PLEKHG4: variants seen among roughly 807,000 people sequenced by gnomAD.
PLEKHG4 encodes puratrophin-1.
A neutral mutation model predicts 136.9 loss-of-function variants in PLEKHG4; 85 were observed. The observed-to-expected ratio is 0.62, with a 90% CI of 0.52 to 0.74. The LOEUF (loss-of-function observed/expected upper bound fraction) is 0.74, where lower values mean the gene tolerates loss of function less well. Ranked by LOEUF, PLEKHG4 falls within the 30% of genes least tolerant of loss-of-function variation. The pLI, the probability that PLEKHG4 is intolerant of heterozygous loss-of-function variation, is 0.00. For missense variants in PLEKHG4, 1,317 were observed against 1,527.8 expected, an observed-to-expected ratio of 0.86 and a Z score of 2.30; for synonymous variants, 577 against 646.9, an observed-to-expected ratio of 0.89 and a Z score of 1.64.
At position 67,282,196 on chromosome 16, in the gene PLEKHG4, C is replaced by T; in HGVS notation, c.1105-5C>T. On this transcript the variant is annotated splice_polypyrimidine_tract_variant and splice_region_variant and intron_variant, in intron 8 of 21. Transcript: ENST00000379344. ...ACCTCCACAGCTTATTGCCCTCAATCACAGGAGGTCGGTCAGCTGCTACAG... is the reference window on the plus strand; with the variant it reads ...ACCTCCACAGCTTATTGCCCTCAATTACAGGAGGTCGGTCAGCTGCTACAG... The T allele has an allele frequency of 1.2e-6, 2 of 1,613,596 alleles. No homozygotes were observed. Among genetic ancestry groups the T allele is most frequent in the Middle Eastern group, 1.6e-4 (1 of 6,062 alleles).
rs773154724 is a variant in PLEKHG4 at position 67,280,009 on chromosome 16, G to A, written c.-36G>A. The A allele has an allele frequency of 2.5e-6, 4 of 1,604,288 alleles. No homozygotes were observed. The highest frequency in any genetic ancestry group is 3.4e-6 in the Non-Finnish European group (4 of 1,175,010). ...TCACACTGAGACCCAGCCCTCTCCC[G>A]CTGGCCCCGAGCAGGCCCACCTTTA... is the stretch of plus-strand genomic sequence containing the variant. On this transcript the variant is annotated 5_prime_UTR_variant, in exon 2 of 22. Coordinates refer to ENST00000379344, the MANE Select transcript of PLEKHG4 (RefSeq NM_001129729.3). The surrounding 1 kb of genome is among the most constrained non-coding windows in gnomAD (Gnocchi z 4.4).
chr16:67,281,704 A>G lies in PLEKHG4; in HGVS notation c.892-20A>G. Reference sequence around the variant, plus strand: ...GTGCCTCCCCCCAGGCCTGGGTCACAACACCTTCTTCTCCTGTAGCTGGAG... The same window carrying G: ...GTGCCTCCCCCCAGGCCTGGGTCACGACACCTTCTTCTCCTGTAGCTGGAG... On this transcript the variant is annotated intron_variant, in intron 6 of 21. Transcript: ENST00000379344. 6.2e-7 allele frequency: 1 copy of G among 1,613,718 alleles called. No homozygotes were observed. Among genetic ancestry groups the G allele is most frequent in the Non-Finnish European group, 8.5e-7 (1 of 1,179,660 alleles).
At chr16:67,281,324 A>G (rs1465605043) in intron 5 of PLEKHG4, 140 bp downstream of exon 5, 6 of 749,982 alleles carry the variant, frequency 8.0e-6, no homozygotes, top group Non-Finnish European at 9.2e-6. Flanking sequence ...CCCCGATTCA[A>G]GTGATCCTCC....
In PLEKHG4 at chr16:67,285,280, T is replaced by C; in HGVS notation, c.2196-10T>C. 6.2e-7 allele frequency: 1 copy of C among 1,613,898 alleles called. No homozygotes were observed. The stretch of plus-strand genomic sequence containing the variant: ...AGATGTCTTGGGTCCTGACTCCCCA[T>C]ACCTGGTAGGCTACAGCTGGTGCTG... On this transcript the variant is annotated splice_polypyrimidine_tract_variant and intron_variant, in intron 13 of 21. Transcript: ENST00000379344.
chr16:67,278,056 T>C (rs1480286790), upstream of PLEKHG4: 2 of 152,060 alleles, frequency 1.3e-5, no homozygotes, highest in African/African-American at 4.8e-5. Context: ...GGGACTTGGC[T>C]GGTGGGTGCT....
chr16:67,279,465 GGCGCGGCGCT>G (rs2036106256), upstream of PLEKHG4: 1 of 151,818 alleles, frequency 6.6e-6, no homozygotes, highest in African/African-American at 2.4e-5. Context: ...TCCAGGGGGC[GGCGCGGCGCT>G]GCGCGGCGCC....
Position 67,284,145 on chromosome 16 carries a change from A to T in PLEKHG4, c.1510-130A>T. On this transcript the variant is annotated intron_variant, in intron 11 of 21. Transcript: ENST00000379344. The surrounding 1 kb of genome is among the most constrained non-coding windows in gnomAD (Gnocchi z 4.4). ...GGAGTGGATGTGGGTGGGGAGTAGG[A>T]GATACGGGTAGATGTTCCACCACAG... 1 of 728,110 alleles carries T rather than the reference A, an allele frequency of 1.4e-6. No individual in the cohort carries two copies. The highest frequency in any genetic ancestry group is 2.3e-6 in the Non-Finnish European group (1 of 441,228). The allele number at this position is 728,110 out of a possible 1,614,324, so 45.1% of individuals were successfully genotyped here.
At position 67,286,337 on chromosome 16, in the gene PLEKHG4, T is replaced by G. The variant is rs1012577845; in HGVS notation, c.2506T>G (p.Ser836Ala). The stretch of plus-strand genomic sequence containing the variant: ...TAAGCCTCGCTCCGATGCCCTGATG[T>G]CAAGCTATGGGCACACCTTCTTCAA... Reference protein sequence around the residue: ...KNKPRSDALMSSYGHTFFKDK... With the variant: ...KNKPRSDALMASYGHTFFKDK... Residue 836 changes from serine to alanine, a missense_variant, in exon 15 of 22, where the codon TCA (serine) becomes GCA (alanine). Ser to Ala is a moderately conservative substitution (Grantham distance 99). Transcript: ENST00000379344. 6.2e-7 allele frequency: 1 copy of G among 1,613,866 alleles called. No homozygotes were observed. Among genetic ancestry groups the G allele is most frequent in the African/African-American group, 1.3e-5 (1 of 75,016 alleles).
Position 67,285,378 on chromosome 16 carries a change from C to T in PLEKHG4, c.2284C>T (p.Leu762=). The T allele has an allele frequency of 2.5e-6, 4 of 1,614,216 alleles. No individual in the cohort carries two copies. Among genetic ancestry groups the T allele is most frequent in the Non-Finnish European group, 3.4e-6 (4 of 1,180,036 alleles). ...CACTATGGAGAACTATTTCCCCGAG[C>T]TGGATCGCCCCGATGTGCCCCAGGG... ...EYTMENYFPE[L]DRPDVPQGLR... is the part of the protein sequence containing the mutation. Residue 762 remains leucine (L), a synonymous_variant, in exon 14 of 22, where the codon CTG becomes TTG. Transcript: ENST00000379344.
In PLEKHG4 at chr16:67,281,063, GGTACTGA is replaced by G. The variant is rs1269865753; in HGVS notation, c.720-27_720-21del. 1.9e-6 allele frequency: 3 copies of G among 1,613,794 alleles called. No individual in the cohort carries two copies. The African/African-American group carries it at 4.0e-5, about 22-fold the overall frequency. On this transcript the variant is annotated intron_variant, in intron 4 of 21. Transcript: ENST00000379344. ...AGCCAGCTGTGAGGACTGGGAGTCA[GGTACTGA>G]ACTGAAGCTCACCCCTTTAGGCCCG...
chr16:67,288,420 G>A lies in PLEKHG4; in HGVS notation c.3454+20G>A, dbSNP rs1210715188. ...CTTTGAGTATGTCTGGGCCTAGCCA[G>A]AGGCAGGAGGGCATGGCTTGGGGTC... On this transcript the variant is annotated intron_variant, in intron 20 of 21. Coordinates refer to ENST00000379344, the MANE Select transcript of PLEKHG4 (RefSeq NM_001129729.3). The A allele has an allele frequency of 6.2e-7, 1 of 1,612,838 alleles. No individual in the cohort carries two copies. Among genetic ancestry groups the A allele is most frequent in the Non-Finnish European group, 8.5e-7 (1 of 1,179,544 alleles).
chr16:67,287,484 C>T lies in PLEKHG4; in HGVS notation c.3103+307C>T. On this transcript the variant is annotated intron_variant, in intron 18 of 21. Coordinates refer to ENST00000379344, the MANE Select transcript of PLEKHG4 (RefSeq NM_001129729.3). ...GCATGATCTTTGCTCATTGTAGCCT[C>T]TGCCTCCTGAGCTCAAGCATTCTTC... 9.7e-6 allele frequency: 5 copies of T among 515,148 alleles called. No individual in the cohort carries two copies. In the South Asian group the frequency reaches 1.0e-4, roughly 11 times the overall value. 31.9% of individuals were successfully genotyped at this position (515,148 alleles called of 1,614,324 possible). A position where few individuals can be genotyped will look rare whatever the true frequency, so the allele number is the denominator to read the frequency against.
At chr16:67,288,059 G>C in intron 19 of PLEKHG4, 45 bp downstream of exon 19, 1 of 1,540,334 alleles carries the variant, frequency 6.5e-7, no homozygotes, top group Non-Finnish European at 9.0e-7. Context: ...TAGGAAAGCT[G>C]TGCGGGAAGC....
At chr16:67,281,934 T>C in intron 7 of PLEKHG4, 75 bp from the exon 8 acceptor site, 3 of 1,541,654 alleles carry the variant, frequency 1.9e-6, no homozygotes, top group East Asian at 2.2e-5. Context: ...CAAAGCTGGC[T>C]GCAGTGGCCT....
rs1231005323 is a variant in PLEKHG4, at chr16:67,282,761, A to G, written c.1412A>G (p.Gln471Arg). 1.9e-6 allele frequency: 3 copies of G among 1,613,570 alleles called. No homozygotes were observed. The Admixed American group carries it at 5.0e-5, about 27-fold the overall frequency. ...GLHQIEVWLQ[Q>R]VGWPALEEAG... ...CTCCAGATTGAAGTGTGGCTGCAGC[A>G]GGTGGGCTGGCCAGCACTGGAGGAG... Residue 471 changes from glutamine to arginine, a missense_variant, in exon 11 of 22, where the codon CAG becomes CGG. Transcript: ENST00000379344.
At position 67,288,960 on chromosome 16, in the gene PLEKHG4, C is replaced by G; in HGVS notation, c.*152C>G. The G allele has an allele frequency of 1.1e-6, 1 of 887,476 alleles. No individual in the cohort carries two copies. The highest frequency in any genetic ancestry group is 1.8e-6 in the Non-Finnish European group (1 of 543,746). 55.0% of individuals were successfully genotyped at this position (887,476 alleles called of 1,614,324 possible). A position where few individuals can be genotyped will look rare whatever the true frequency, so the allele number is the denominator to read the frequency against. Reference sequence around the variant, plus strand: ...TGACTACCCTTTCTGATGTGTGTGGCCATTGGACTAACTGGCACGGGGCCT... The same window carrying G: ...TGACTACCCTTTCTGATGTGTGTGGGCATTGGACTAACTGGCACGGGGCCT... On this transcript the variant is annotated 3_prime_UTR_variant, in exon 22 of 22. Transcript: ENST00000379344.
Position 67,281,823 on chromosome 16 carries a change from C to T in PLEKHG4, c.991C>T (p.Leu331=), listed in dbSNP as rs1375648440. The part of the protein sequence containing the change: ...GGLPYCHQAW[L]DFRRRLEALL... ...CCTGCCTTACTGCCACCAGGCCTGG[C>T]TGGATTTCCGAAGGGTCAGTACACT... Residue 331 remains leucine, a synonymous_variant, in exon 7 of 22, where the codon CTG becomes TTG. Coordinates refer to ENST00000379344, the MANE Select transcript of PLEKHG4 (RefSeq NM_001129729.3). 2 of 1,612,964 alleles carry T rather than the reference C, an allele frequency of 1.2e-6. No homozygotes were observed. The highest frequency in any genetic ancestry group is 1.1e-5 in the South Asian group (1 of 91,092).
In PLEKHG4 at chr16:67,280,685, A is replaced by G; in HGVS notation, c.500-26A>G. 1 of 1,614,012 alleles carries G rather than the reference A, an allele frequency of 6.2e-7. No individual in the cohort carries two copies. The highest frequency in any genetic ancestry group is 8.5e-7 in the Non-Finnish European group (1 of 1,179,992). ...GGTCTCTGGATAGGTGGTCCAAGGC[A>G]GACCCAAGTCATTTCCCTTCCCAAG... On this transcript the variant is annotated intron_variant, in intron 2 of 21. Coordinates refer to ENST00000379344, the MANE Select transcript of PLEKHG4 (RefSeq NM_001129729.3). This position sits in a 1 kb window ranked among gnomAD's most constrained non-coding sequence, Gnocchi z 4.4.
chr16:67,287,314 A>G (rs1409343841), intron 18 of PLEKHG4, 137 bp downstream of exon 18: 1 of 874,882 alleles, frequency 1.1e-6, no homozygotes, highest in Non-Finnish European at 1.8e-6. Context: ...AGGAGAAAGG[A>G]TTTCAAAGCC....
Sources: allele counts gnomAD v4.1 joint callset, GRCh38; gene constraint gnomAD v4.1.1; non-coding constraint Gnocchi (gnomAD v3.1); transcripts MANE v1.5; gene names NCBI Gene and HGNC (gene_info 2026-07-23, HGNC 2026-07-21).